The following TNS1 variants were observed in gnomAD, a reference collection of about 807,000 sequenced individuals.
TNS1 encodes the protein tensin 1.
Under a neutral mutation model 168.6 loss-of-function variants are expected in TNS1, and 62 were observed. The ratio of observed to expected loss-of-function variants is 0.37; its 90% CI spans 0.30 to 0.45. The LOEUF (loss-of-function observed/expected upper bound fraction) is 0.45. Among genes scored for constraint, TNS1 ranks in the 20% least tolerant of loss-of-function variants. The pLI is 1.00. For missense variants in TNS1, 2,240 were observed against 2,339.4 expected, an observed-to-expected ratio of 0.96 and a Z score of 0.88; for synonymous variants, 934 against 933.2, an observed-to-expected ratio of 1.00 and a Z score of -0.02.
intron 3 of TNS1, among the ~76,000 whole-genome samples, chr2:217,965,988 C>T (rs1406865569): frequency 1.3e-5 from 2 of 152,026 alleles, no homozygotes; most frequent in Non-Finnish European, 2.9e-5. Context: ...CCTGTTCCAC[C>T]AGGACCCCAG....
At chr2:217,886,209 G>T in intron 13 of TNS1, 105 bp from the exon 14 acceptor site, 1 of 1,237,878 alleles carries the variant, frequency 8.1e-7, no homozygotes, top group African/African-American at 1.5e-5. Context: ...AAGAAATGGG[G>T]GAAGACGGGG....
chr2:217,942,222 A>G (rs1575122794), intron 3 of TNS1, among the ~76,000 whole-genome samples: 1 of 152,050 alleles, frequency 6.6e-6, no homozygotes, highest in South Asian at 2.1e-4. Context: ...TGCCTCCTCC[A>G]CCGCCAAGAA....
At chr2:218,005,105 G>A (rs1352280374), upstream of TNS1, among the ~76,000 whole-genome samples, 1 of 152,216 alleles carries the variant, frequency 6.6e-6, no homozygotes, top group Admixed American at 6.5e-5. Flanking sequence ...CCTTCAGCCA[G>A]CTAAGCCCTG....
intron 1 of TNS1, among the ~76,000 whole-genome samples, chr2:218,018,328 G>A (rs978563007): frequency 1.8e-4 from 28 of 152,158 alleles, no homozygotes; most frequent in African/African-American, 6.8e-4. Context: ...CTCCAAATGA[G>A]GTCTGAGTCT....
At chr2:217,977,680 C>T (rs1006324664) in intron 3 of TNS1, among the ~76,000 whole-genome samples, 1 of 152,196 alleles carries the variant, frequency 6.6e-6, no homozygotes, top group Non-Finnish European at 1.5e-5. Flanking sequence ...ATTCCCATAT[C>T]CTTGAGAATG....
chr2:217,920,759 A>G (rs1955626591), intron 3 of TNS1, among the ~76,000 whole-genome samples: 1 of 151,978 alleles, frequency 6.6e-6, no homozygotes, highest in Non-Finnish European at 1.5e-5. Context: ...ACTTTCCCGG[A>G]GCATGCATGA....
At chr2:218,022,308 C>G (rs1574483451) in intron 1 of TNS1, among the ~76,000 whole-genome samples, 1 of 152,156 alleles carries the variant, frequency 6.6e-6, no homozygotes, top group South Asian at 2.1e-4. Flanking sequence ...CCTACCCCAC[C>G]ATGCCCAGGC....
At chr2:217,805,475 C>CCACCA in intron 32 of TNS1, among the ~76,000 whole-genome samples, 1 of 46,126 alleles carries the variant, frequency 2.2e-5, no homozygotes, top group African/African-American at 9.2e-5. Flanking sequence ...ACCACACACA[C>CCACCA]CACACACACC....
intron 3 of TNS1, among the ~76,000 whole-genome samples, chr2:217,945,086 G>A (rs1283502726): frequency 6.6e-6 from 1 of 152,144 alleles, no homozygotes; most frequent in Non-Finnish European, 1.5e-5. Context: ...AGGACTGTGC[G>A]GAGGACCTCA....
intron 1 of TNS1, among the ~76,000 whole-genome samples, chr2:218,019,777 C>A (rs947879871): frequency 6.6e-6 from 1 of 152,192 alleles, no homozygotes; most frequent in Non-Finnish European, 1.5e-5. Context: ...GTGTCCTGTT[C>A]TCTGACTTCA....
chr2:217,886,277 A>T (rs1951194291), intron 13 of TNS1, among the ~76,000 whole-genome samples, 173 bp from the exon 14 acceptor site: 1 of 152,218 alleles, frequency 6.6e-6, no homozygotes, highest in Admixed American at 6.5e-5. Flanking sequence ...AAGGGGAAGA[A>T]ATACCAACTT....
At chr2:217,885,356 C>T (rs6714064) in intron 15 of TNS1, among the ~76,000 whole-genome samples, 192 bp from the exon 16 acceptor site, 6,918 of 152,308 alleles carry the variant, frequency 0.045, 535 homozygotes, top group African/African-American at 0.16. Flanking sequence ...GAATTGGAGG[C>T]CAGTCTTGGC....
At chr2:218,030,093 C>A (rs1274677244) in intron 1 of TNS1, among the ~76,000 whole-genome samples, 3 of 152,174 alleles carry the variant, frequency 2.0e-5, no homozygotes, top group African/African-American at 7.2e-5. Flanking sequence ...CGGGCACCTC[C>A]CTGCCTGCCC....
chr2:217,847,553 C>T lies in TNS1; in HGVS notation c.2964G>A (p.Glu988=), dbSNP rs766115634. ...ATSDPSRTPE[E]EPLNLEGLVA... is the part of the protein sequence containing the mutation. ...CCAGCCCTTCTAAATTCAATGGCTC[C>T]TCCTCTGGAGTCCGGGAGGGGTCTG... The change falls in exon 19 of 33, where the codon GAG becomes GAA. Residue 988 remains glutamate, a synonymous_variant. Transcript: ENST00000682258. The T allele has an allele frequency of 2.7e-6, 4 of 1,479,520 alleles. No homozygotes were observed. The highest frequency in any genetic ancestry group is 4.4e-5 in the Admixed American group (2 of 45,216). 91.6% of individuals were successfully genotyped at this position (1,479,520 alleles called of 1,614,324 possible). A position where few individuals can be genotyped will look rare whatever the true frequency, so the allele number is the denominator to read the frequency against.
intron 19 of TNS1, among the ~76,000 whole-genome samples, chr2:217,839,656 G>C (rs897265461): frequency 6.6e-6 from 1 of 152,136 alleles, no homozygotes; most frequent in Admixed American, 6.5e-5. Context: ...AAGCACTGCT[G>C]CCCACCACCC....
chr2:217,847,837 T>C lies in TNS1; in HGVS notation c.2680A>G (p.Ser894Gly), dbSNP rs779185044. 2 of 1,593,018 alleles carry C rather than the reference T, an allele frequency of 1.3e-6. No homozygotes were observed. The highest frequency in any genetic ancestry group is 1.7e-6 in the Non-Finnish European group (2 of 1,162,918). The change falls in exon 19 of 33, where the codon AGT (serine) becomes GGT (glycine). Residue 894 changes from serine to glycine, a missense_variant. By Grantham distance (56) the Ser-to-Gly change is moderately conservative. Transcript: ENST00000682258. ...TCAGGGGTTCCCAACGAATGCCCAC[T>C]GGGGATATAGCCAGATCTGGACTGG... ...LTQSRSGYIP[S>G]GHSLGTPEPA... is the part of the protein sequence containing the mutation.
At chr2:217,926,786 T>C (rs529201949) in intron 3 of TNS1, among the ~76,000 whole-genome samples, 1 of 152,348 alleles carries the variant, frequency 6.6e-6, no homozygotes, top group South Asian at 2.1e-4. Flanking sequence ...CTCCAGGGTC[T>C]CAGGCAGTCC....
intron 23 of TNS1, among the ~76,000 whole-genome samples, chr2:217,821,502 G>A (rs575266803): frequency 9.2e-5 from 14 of 152,274 alleles, no homozygotes; most frequent in African/African-American, 3.4e-4. Context: ...GCACAGTTTT[G>A]GATGGGCGGA....
At chr2:217,810,441 C>A in intron 28 of TNS1, 122 bp from the exon 29 acceptor site, 1 of 883,688 alleles carries the variant, frequency 1.1e-6, no homozygotes. Context: ...ATACCAGACC[C>A]TGGCAGTCAG....
Sources: gnomAD v4.1 joint callset for allele counts (sites outside exome capture counted in the v4.1 genomes callset) on GRCh38, gnomAD v4.1.1 for gene constraint, MANE v1.5 for transcripts, NCBI Gene and HGNC (gene_info 2026-07-23, HGNC 2026-07-21) for gene names.